MED14: variants seen among roughly 807,000 people sequenced by gnomAD.
The protein encoded by MED14 is mediator of RNA polymerase II transcription subunit 14.
A neutral mutation model predicts 109.0 loss-of-function variants in MED14; 8 were observed. The ratio of observed to expected loss-of-function variants is 0.07; its 90% confidence interval spans 0.04 to 0.13. MED14 has a LOEUF of 0.13. Ranked by LOEUF, MED14 falls within the 10% of genes least tolerant of loss-of-function variation. The pLI is 1.00. For missense variants in MED14, 711 were observed against 1,142.4 expected (o/e 0.62, Z 5.44); for synonymous variants, 399 against 408.7 (o/e 0.98, Z 0.29).
chrX:40,662,809 C>T (rs1425440478), intron 26 of MED14, 116 bp downstream of exon 26: 2 of 516,689 alleles, frequency 3.9e-6, no homozygotes, highest in Admixed American at 4.0e-5. Flanking sequence ...TTCTAACAAG[C>T]TTGTTAAAGG....
At position 40,702,346 on chromosome X, in the gene MED14, G is replaced by T. The variant is rs867179306; in HGVS notation, c.1411+1098C>A. 7.8e-3 allele frequency among the ~76,000 whole-genome samples: 641 copies of T among 81,984 alleles called. 5 individuals are homozygous for T. The highest frequency in any genetic ancestry group is 0.024 in the African/African-American group (490 of 20,186). The allele number at this position is 81,984 out of a possible 115,157, so 71.2% of individuals were successfully genotyped here. The stretch of plus-strand genomic sequence containing the variant: ...AGAAAAACAGTTAAATATAAGTTTT[G>T]TTTTTTTTTTTTTTTTTTGAGACGG... On this transcript the variant is annotated intron_variant, in intron 11 of 30. Transcript: ENST00000324817.
At position 40,712,945 on chromosome X, in the gene MED14, T is replaced by C; in HGVS notation, c.750A>G (p.Leu250=). The C allele has an allele frequency of 4.2e-6, 5 of 1,185,311 alleles. No individual in the cohort carries two copies. Among genetic ancestry groups the C allele is most frequent in the Non-Finnish European group, 5.7e-6 (5 of 878,122 alleles). ...TTTCCTTATCCTCAACTAGAATTTC[T>C]AGCTTGAGAAGACGCCATGGAACAT... is the stretch of plus-strand genomic sequence containing the variant. ...DPDVPWRLLK[L]EILVEDKETG... is the part of the protein sequence containing the mutation. The change falls in exon 6 of 31, where the codon CTA becomes CTG. Residue 250 remains leucine (L), a synonymous_variant. Coordinates refer to ENST00000324817, the MANE Select transcript of MED14 (RefSeq NM_004229.4).
At chrX:40,729,466 C>CATGAGCCTGTAGTAGCTGT in intron 1 of MED14, 121 bp from the exon 2 acceptor site, 6 of 651,784 alleles carry the variant, frequency 9.2e-6, no homozygotes, top group Non-Finnish European at 1.4e-5. Flanking sequence ...TAAACAGCTA[C>CATGAGCCTGTAGTAGCTGT]TACAGGCTCA....
At chrX:40,671,059 C>G (rs1317910527) in intron 23 of MED14, among the ~76,000 whole-genome samples, 2 of 111,614 alleles carry the variant, frequency 1.8e-5, no homozygotes, top group East Asian at 5.6e-4. Context: ...TATTACATAT[C>G]ACATCTTTTA....
At position 40,703,510 on chromosome X, in the gene MED14, A is replaced by C. The variant is rs774590005; in HGVS notation, c.1345T>G (p.Ser449Ala). ...TCTACAAAAATGTGCAGACACTCTG[A>C]ATTACCACAGGGCTCCAAGATGGGA... ...VVPILEPCGN[S>A]ECLHIFVDLH... The change falls in exon 11 of 31, where the codon TCA (serine) becomes GCA (alanine). Residue 449 changes from serine to alanine, a missense_variant. Physicochemically the swap from Ser to Ala is moderately conservative, Grantham distance 99 (BLOSUM62 1). Transcript: ENST00000324817. 2.5e-6 allele frequency: 3 copies of C among 1,192,530 alleles called. No individual in the cohort carries two copies. The highest frequency in any genetic ancestry group is 1.8e-5 in the South Asian group (1 of 56,209).
intron 8 of MED14, 117 bp downstream of exon 8, chrX:40,711,052 C>T: frequency 1.2e-6 from 1 of 858,743 alleles, no homozygotes; most frequent in Non-Finnish European, 1.6e-6. Context: ...CCACACAATT[C>T]AAGCTTGTGT....
chrX:40,725,517 T>C (rs755239311), intron 3 of MED14, among the ~76,000 whole-genome samples: 1 of 112,297 alleles, frequency 8.9e-6, no homozygotes, highest in South Asian at 3.6e-4. Context: ...GATGCAAGGA[T>C]GGTTCAAAAT....
chrX:40,650,233 A>G lies in MED14; in HGVS notation c.*1573T>C. The G allele has an allele frequency of 1.3e-6, 1 of 754,318 alleles. No homozygotes were observed. The highest frequency in any genetic ancestry group is 1.6e-6 in the Non-Finnish European group (1 of 639,003). The allele number at this position is 754,318 out of a possible 1,213,427, so 62.2% of individuals were successfully genotyped here. A position where few individuals can be genotyped will look rare whatever the true frequency, so the allele number is the denominator to read the frequency against. On this transcript the variant is annotated 3_prime_UTR_variant, in exon 31 of 31. Transcript: ENST00000324817. Reference sequence around the variant, plus strand: ...TAGTCAACTGCTCCTGAACAGTGGCAGAGTTGGGTGAGAAGTGGGAGATGA... The same window carrying G: ...TAGTCAACTGCTCCTGAACAGTGGCGGAGTTGGGTGAGAAGTGGGAGATGA...
At chrX:40,698,352 C>T (rs983568475) in intron 12 of MED14, among the ~76,000 whole-genome samples, 7 of 112,054 alleles carry the variant, frequency 6.2e-5, no homozygotes, top group African/African-American at 2.3e-4. Flanking sequence ...ACAAGGTGGC[C>T]TTTTCAAAGT....
intron 16 of MED14, among the ~76,000 whole-genome samples, chrX:40,684,483 A>G (rs1418462797): frequency 8.9e-6 from 1 of 112,241 alleles, no homozygotes; most frequent in African/African-American, 3.2e-5. Context: ...TTCACACTAC[A>G]TACTTTTTAT....
In MED14 at chrX:40,651,886, C is replaced by T. The variant is rs1318051614; in HGVS notation, c.4292-7G>A. 3.4e-6 allele frequency: 4 copies of T among 1,191,715 alleles called. No homozygotes were observed. Among genetic ancestry groups the T allele is most frequent in the Non-Finnish European group, 4.5e-6 (4 of 886,355 alleles). ...GCAAATATTGTGCATTCACCTGCAA[C>T]AGAGAAAAATGGTCATTAGCTATTC... On this transcript the variant is annotated splice_polypyrimidine_tract_variant and splice_region_variant and intron_variant, in intron 30 of 30. Coordinates refer to ENST00000324817, the MANE Select transcript of MED14 (RefSeq NM_004229.4).
intron 18 of MED14, 143 bp downstream of exon 18, chrX:40,682,458 CTG>C: frequency 2.0e-6 from 1 of 505,702 alleles, no homozygotes; most frequent in Non-Finnish European, 3.1e-6. Flanking sequence ...AAATTGAAGT[CTG>C]AAGTGAAAGG....
intron 28 of MED14, among the ~76,000 whole-genome samples, chrX:40,658,345 G>GC (rs914814460): frequency 1.6e-4 from 18 of 111,118 alleles, no homozygotes; most frequent in African/African-American, 5.9e-4. Context: ...GCCTGCCTCA[G>GC]CCCCCCAAAG....
chrX:40,706,333 G>C (rs1356741935), intron 10 of MED14, among the ~76,000 whole-genome samples: 2 of 111,496 alleles, frequency 1.8e-5, no homozygotes, highest in Admixed American at 9.5e-5. Flanking sequence ...CTCATTTCTA[G>C]AACTGTCCTG....
chrX:40,702,313 T>C (rs1371227323), intron 11 of MED14, among the ~76,000 whole-genome samples: 2 of 110,611 alleles, frequency 1.8e-5, no homozygotes, highest in African/African-American at 6.6e-5. Flanking sequence ...TGTACTATGT[T>C]AATAATCAGA....
In MED14 at chrX:40,735,191, C is replaced by T. The variant is rs1309791773; in HGVS notation, c.215+7G>A. Reference sequence around the variant, plus strand: ...TGGGGAACAGGCAGGGGTTTCGGGGCACTTACAGGTCCGTCAACACCATAA... The same window carrying T: ...TGGGGAACAGGCAGGGGTTTCGGGGTACTTACAGGTCCGTCAACACCATAA... On this transcript the variant is annotated splice_region_variant and intron_variant, in intron 1 of 30. Coordinates refer to ENST00000324817, the MANE Select transcript of MED14 (RefSeq NM_004229.4). The T allele has an allele frequency of 2.2e-5, 24 of 1,091,940 alleles. 1 individual carries two copies. Among genetic ancestry groups the T allele is most frequent in the Non-Finnish European group, 2.8e-5 (23 of 830,481 alleles). The allele number at this position is 1,091,940 out of a possible 1,213,427, so 90.0% of individuals were successfully genotyped here.
chrX:40,664,493 T>A lies in MED14; in HGVS notation c.3266-4A>T. Reference sequence around the variant, plus strand: ...GGGGAACTAGGGTCAAGAGTTCCTATAAAAAAGGTAAACAAATGATTCTCA... The same window carrying A: ...GGGGAACTAGGGTCAAGAGTTCCTAAAAAAAAGGTAAACAAATGATTCTCA... On this transcript the variant is annotated splice_polypyrimidine_tract_variant and splice_region_variant and intron_variant, in intron 24 of 30. Transcript: ENST00000324817. 1 of 1,045,917 alleles carries A rather than the reference T, an allele frequency of 9.6e-7. No individual in the cohort carries two copies. 86.2% of individuals were successfully genotyped at this position (1,045,917 alleles called of 1,213,427 possible).
rs779725923 is a variant in MED14 at position 40,697,026 on chromosome X, T to C, written c.1648A>G (p.Ile550Val). 2.9e-5 allele frequency: 35 copies of C among 1,194,853 alleles called. No homozygotes were observed. The East Asian group carries it at 5.6e-4, about 19-fold the overall frequency. ...AAATCACTCCTTTGCATACTTACAA[T>C]GTAGTATTGTGGAAGGCGGGTAAGT... ...IKLTRLPQYY[I>V]VVEMLEVPNK... Residue 550 changes from isoleucine (I) to valine (V), a missense_variant and splice_region_variant, in exon 13 of 31, where the codon ATT (isoleucine) becomes GTT (valine). Ile to Val is a conservative substitution (Grantham distance 29, BLOSUM62 3). Coordinates refer to ENST00000324817, the MANE Select transcript of MED14 (RefSeq NM_004229.4).
At chrX:40,726,924 AAAAT>A (rs963653704) in intron 2 of MED14, 73 bp from the exon 3 acceptor site, 122 of 807,662 alleles carry the variant, frequency 1.5e-4, no homozygotes, top group East Asian at 2.8e-4. Flanking sequence ...CAGCTAAGCA[AAAAT>A]AAATAAATAA....
Sources: gnomAD v4.1 joint callset for allele counts (sites outside exome capture counted in the v4.1 genomes callset) on GRCh38, gnomAD v4.1.1 for gene constraint, MANE v1.5 for transcripts, NCBI Gene and HGNC (gene_info 2026-07-23, HGNC 2026-07-21) for gene names.